DAG1: variants seen among roughly 807,000 people sequenced by gnomAD.
DAG1 encodes dystroglycan 1.
Under a neutral mutation model 46.1 loss-of-function variants are expected in DAG1, and 8 were observed. The observed-to-expected ratio is 0.17, with a 90% CI of 0.10 to 0.31. DAG1 has a LOEUF of 0.31. Ranked by LOEUF, DAG1 falls within the 10% of genes least tolerant of loss-of-function variation. The probability of loss-of-function intolerance (pLI) is 1.00; values close to 1 mark genes in which losing one functional copy is unlikely to be tolerated. For synonymous variants in DAG1, 495 were observed against 481.8 expected, an observed-to-expected ratio of 1.03 and a Z score of -0.36; for missense variants, 1,003 against 1,189.9, an observed-to-expected ratio of 0.84 and a Z score of 2.31.
rs755687939 is a variant in DAG1 at position 49,532,751 on chromosome 3, A to T, written c.2240A>T (p.Asp747Val). Residue 747 changes from aspartate to valine, a missense_variant, in exon 3 of 3, where the codon GAT becomes GTT. Physicochemically the swap from Asp to Val is radical, Grantham distance 152 (BLOSUM62 -3). This residue lies in a region of DAG1 where 755 missense variants were observed against 854.1 expected (regional missense o/e 0.88). Coordinates refer to ENST00000308775, the MANE Select transcript of DAG1 (RefSeq NM_004393.6). This position sits in a 1 kb window ranked among gnomAD's most constrained non-coding sequence, Gnocchi z 5.4. Reference protein sequence around the residue: ...PDRDPEKSSEDDVYLHTVIPA... With the variant: ...PDRDPEKSSEVDVYLHTVIPA... The stretch of plus-strand genomic sequence containing the variant: ...AGGGACCCTGAGAAGAGCAGTGAGG[A>T]TGATGTCTACCTGCACACAGTCATT... 4 of 1,613,970 alleles carry T rather than the reference A, an allele frequency of 2.5e-6. No individual in the cohort carries two copies. The highest frequency in any genetic ancestry group is 3.4e-6 in the Non-Finnish European group (4 of 1,180,036).
chr3:49,496,053 G>A (rs1365895856), intron 1 of DAG1, among the ~76,000 whole-genome samples: 1 of 152,122 alleles, frequency 6.6e-6, no homozygotes, highest in Non-Finnish European at 1.5e-5. Context: ...GGTGATTAAA[G>A]TACTGGACCA....
In DAG1 at chr3:49,533,571, G is replaced by T; in HGVS notation, c.*372G>T. The stretch of plus-strand genomic sequence containing the variant: ...GCGGCCCCCTGGCTCTCTGCGTTTT[G>T]CCTTTAACACTAACTGTACTGTTTT... On this transcript the variant is annotated 3_prime_UTR_variant, in exon 3 of 3. Coordinates refer to ENST00000308775, the MANE Select transcript of DAG1 (RefSeq NM_004393.6). 2.3e-6 allele frequency: 1 copy of T among 432,676 alleles called. No individual in the cohort carries two copies. The highest frequency in any genetic ancestry group is 5.6e-5 in the East Asian group (1 of 17,972). The allele number at this position is 432,676 out of a possible 1,614,324, so 26.8% of individuals were successfully genotyped here. A position where few individuals can be genotyped will look rare whatever the true frequency, so the allele number is the denominator to read the frequency against.
intron 2 of DAG1, among the ~76,000 whole-genome samples, chr3:49,517,022 C>T (rs1334808683): frequency 8.0e-6 from 1 of 124,764 alleles, no homozygotes; most frequent in Non-Finnish European, 1.6e-5. Flanking sequence ...GAGACGGAGT[C>T]TCGCTCTGTC....
intron 1 of DAG1, among the ~76,000 whole-genome samples, chr3:49,477,567 A>T (rs35701831): frequency 6.6e-6 from 1 of 152,046 alleles, no homozygotes; most frequent in Non-Finnish European, 1.5e-5. Flanking sequence ...TGCTGTGATT[A>T]ATAGACATGA....
intron 2 of DAG1, among the ~76,000 whole-genome samples, chr3:49,522,506 A>G (rs2051060452): frequency 9.2e-6 from 1 of 108,172 alleles, no homozygotes; most frequent in Non-Finnish European, 1.7e-5. Context: ...GCATCATGGT[A>G]TGTTGCCCAG....
intron 1 of DAG1, among the ~76,000 whole-genome samples, chr3:49,500,372 G>C (rs1381147758): frequency 2.4e-4 from 37 of 152,108 alleles, no homozygotes. Flanking sequence ...GGGAGGAAGG[G>C]AGTGCCTGGT....
intron 1 of DAG1, among the ~76,000 whole-genome samples, chr3:49,504,761 ATTTTTTTTTT>A (rs57684297): frequency 2.2e-5 from 2 of 89,928 alleles, no homozygotes; most frequent in Non-Finnish European, 4.2e-5. Context: ...CGCCCAGCTA[ATTTTTTTTTT>A]TTTTTTTTTT....
rs140861171 is a variant in DAG1, at chr3:49,533,067, C to A, written c.2556C>A (p.Pro852=). 4.0e-5 allele frequency: 64 copies of A among 1,614,192 alleles called. No homozygotes were observed. The highest frequency in any genetic ancestry group is 5.0e-5 in the Admixed American group (3 of 60,026). ...AGGACACCATGGGAGAGTACACGCC[C>A]CTGCGGGATGAGGATCCCAATGCGC... ...LNQDTMGEYT[P]LRDEDPNAPP... The change falls in exon 3 of 3, where the codon CCC becomes CCA. Residue 852 remains proline (P), a synonymous_variant. Coordinates refer to ENST00000308775, the MANE Select transcript of DAG1 (RefSeq NM_004393.6).
At chr3:49,508,739 G>T (rs992054204) in intron 1 of DAG1, among the ~76,000 whole-genome samples, 1 of 152,046 alleles carries the variant, frequency 6.6e-6, no homozygotes, top group African/African-American at 2.4e-5. Context: ...ATGCTGGCCA[G>T]GCTGGTCTTG....
chr3:49,531,330 C>T lies in DAG1; in HGVS notation c.819C>T (p.Asp273=). ...CCCTGAACCAGAACAGTGTGCCTGA[C>T]ATTCATGGTGTAGAGGCCCCTGCCA... ...GCSLNQNSVP[D]IHGVEAPARE... is the part of the protein sequence containing the mutation. Residue 273 remains aspartate, a synonymous_variant, in exon 3 of 3, where the codon GAC becomes GAT. Coordinates refer to ENST00000308775, the MANE Select transcript of DAG1 (RefSeq NM_004393.6). This position sits in a 1 kb window ranked among gnomAD's most constrained non-coding sequence, Gnocchi z 7.0. The T allele has an allele frequency of 6.2e-7, 1 of 1,614,210 alleles. No homozygotes were observed.
At chr3:49,502,183 T>C (rs1360040834) in intron 1 of DAG1, among the ~76,000 whole-genome samples, 3 of 151,130 alleles carry the variant, frequency 2.0e-5, no homozygotes, top group African/African-American at 7.3e-5. Flanking sequence ...CAGAAAAGAG[T>C]TGAAGAAAAA....
chr3:49,494,231 A>G (rs10461020), intron 1 of DAG1, among the ~76,000 whole-genome samples: 3 of 152,228 alleles, frequency 2.0e-5, no homozygotes, highest in Admixed American at 2.0e-4. Flanking sequence ...TCACCACTTT[A>G]AACACTGAAG....
intron 2 of DAG1, 145 bp from the exon 3 acceptor site, chr3:49,530,652 T>A: frequency 3.4e-6 from 4 of 1,175,868 alleles, no homozygotes; most frequent in Non-Finnish European, 4.9e-6. Context: ...CAGTTGTGTC[T>A]CTCTAGGGGG....
At chr3:49,492,677 CAGG>C (rs2050219437) in intron 1 of DAG1, 1 of 152,090 alleles carries the variant, frequency 6.6e-6, no homozygotes. Context: ...GAGATAAATG[CAGG>C]AGATCTTCCA....
chr3:49,504,025 T>C (rs1317451230), intron 1 of DAG1, among the ~76,000 whole-genome samples: 1 of 152,140 alleles, frequency 6.6e-6, no homozygotes, highest in Non-Finnish European at 1.5e-5. Context: ...TGCAAAACTA[T>C]ATAGTACAAT....
At chr3:49,512,277 A>G (rs546419537) in intron 2 of DAG1, among the ~76,000 whole-genome samples, 1 of 152,260 alleles carries the variant, frequency 6.6e-6, no homozygotes, top group East Asian at 1.9e-4. Flanking sequence ...ATCTTGGCTC[A>G]CTGCAACCTC....
chr3:49,529,490 G>A (rs1431432847), intron 2 of DAG1, among the ~76,000 whole-genome samples: 1 of 152,156 alleles, frequency 6.6e-6, no homozygotes, highest in Non-Finnish European at 1.5e-5. Flanking sequence ...TTTGGCAGGA[G>A]GAAGCCCAGG....
Position 49,533,894 on chromosome 3 carries a change from G to A in DAG1, c.*695G>A, listed in dbSNP as rs2051439855. The A allele has an allele frequency of 2.4e-5, 4 of 166,624 alleles. No homozygotes were observed. Among genetic ancestry groups the A allele is most frequent in the African/African-American group, 4.8e-5 (2 of 41,496 alleles). The allele number at this position is 166,624 out of a possible 1,614,324, so 10.3% of individuals were successfully genotyped here. A position where few individuals can be genotyped will look rare whatever the true frequency, so the allele number is the denominator to read the frequency against. On this transcript the variant is annotated 3_prime_UTR_variant, in exon 3 of 3. Coordinates refer to ENST00000308775, the MANE Select transcript of DAG1 (RefSeq NM_004393.6). The stretch of plus-strand genomic sequence containing the variant: ...CCCAGAGCCTGATTGGGGGCCTCCC[G>A]GCCCTGGCTCACGCCAAGTCCCTGG...
chr3:49,534,741 CT>C lies in DAG1; in HGVS notation c.*1543del, dbSNP rs1240909528. ...GGGCGCCCACTCTGCTTCGATTCTC[CT>C]CCTGTGGAAGAAACCATTTTGAGCA... On this transcript the variant is annotated 3_prime_UTR_variant, in exon 3 of 3. Coordinates refer to ENST00000308775, the MANE Select transcript of DAG1 (RefSeq NM_004393.6). 1 of 152,640 alleles carries C rather than the reference CT, an allele frequency of 6.6e-6. No individual in the cohort carries two copies. The highest frequency in any genetic ancestry group is 1.5e-5 in the Non-Finnish European group (1 of 68,048). The allele number at this position is 152,640 out of a possible 1,614,324, so 9.5% of individuals were successfully genotyped here.
Sources: allele counts gnomAD v4.1 joint callset (sites outside exome capture counted in the v4.1 genomes callset), GRCh38; gene constraint gnomAD v4.1.1; regional missense constraint gnomAD v4.1.1; non-coding constraint Gnocchi (gnomAD v3.1); transcripts MANE v1.5; gene names NCBI Gene and HGNC (gene_info 2026-07-23, HGNC 2026-07-21).